ABCB1: variants seen among roughly 807,000 people sequenced by gnomAD.
ABCB1 encodes the protein ATP-dependent translocase ABCB1.
In ABCB1, 69 loss-of-function variants were observed where a neutral mutation model predicts 142.0. That is an observed-to-expected ratio of 0.49 (90% CI 0.40 to 0.59). The LOEUF (loss-of-function observed/expected upper bound fraction) is 0.59, where lower values mean the gene tolerates loss of function less well. Among genes scored for constraint, ABCB1 ranks in the 20% least tolerant of loss-of-function variants. ABCB1 has a pLI of 0.00. For missense variants in ABCB1, 1,326 were observed against 1,554.7 expected (o/e 0.85, Z 2.47); for synonymous variants, 532 against 539.2 (o/e 0.99, Z 0.18).
intron 4 of ABCB1, 135 bp from the exon 5 acceptor site, chr7:87,570,358 T>C: frequency 2.3e-6 from 2 of 862,984 alleles, no homozygotes; most frequent in South Asian, 2.8e-5. Context: ...GTTTTAATTG[T>C]GTGTAAGCAT....
chr7:87,560,170 C>T lies in ABCB1; in HGVS notation c.827+1093G>A, dbSNP rs111566291. On this transcript the variant is annotated intron_variant, in intron 8 of 27. Transcript: ENST00000622132. ...GGATTTATTTCATTGAATATTTGCT[C>T]AGTCATTAAGCAGGACTCCTCATTT... 4.7e-3 allele frequency among the ~76,000 whole-genome samples: 723 copies of T among 152,246 alleles called. 5 individuals are homozygous for T. The highest frequency in any genetic ancestry group is 0.017 in the African/African-American group (690 of 41,540).
intron 1 of ABCB1, among the ~76,000 whole-genome samples, chr7:87,673,198 G>A (rs963204034): frequency 1.3e-5 from 2 of 152,082 alleles, no homozygotes; most frequent in African/African-American, 2.4e-5. Context: ...ATATGTCTTA[G>A]GGAATGGTCA....
chr7:87,513,575 G>A (rs1815109588), intron 25 of ABCB1, among the ~76,000 whole-genome samples: 3 of 152,162 alleles, frequency 2.0e-5, no homozygotes, highest in Admixed American at 2.0e-4. Flanking sequence ...TCTCATCAGA[G>A]AAGTTTGAGA....
At chr7:87,545,703 A>C (rs1816749359) in intron 15 of ABCB1, among the ~76,000 whole-genome samples, 160 bp downstream of exon 15, 1 of 152,192 alleles carries the variant, frequency 6.6e-6, no homozygotes, top group South Asian at 2.1e-4. Context: ...CTCTTTCAAG[A>C]GAGAAAAAAA....
intron 3 of ABCB1, among the ~76,000 whole-genome samples, chr7:87,591,027 G>T (rs1818979981): frequency 6.6e-6 from 1 of 152,134 alleles, no homozygotes; most frequent in Non-Finnish European, 1.5e-5. Flanking sequence ...ATGATAAAAG[G>T]GACTTTGCAG....
At chr7:87,697,675 C>G (rs1276738593) in intron 1 of ABCB1, among the ~76,000 whole-genome samples, 3 of 152,170 alleles carry the variant, frequency 2.0e-5, no homozygotes, top group Non-Finnish European at 4.4e-5. Context: ...ATAATTAACA[C>G]TTATTTTGAA....
At chr7:87,687,676 A>G (rs1207983050) in intron 1 of ABCB1, among the ~76,000 whole-genome samples, 3 of 152,008 alleles carry the variant, frequency 2.0e-5, no homozygotes, top group Middle Eastern at 3.2e-3. Context: ...TTTTTTTCTG[A>G]TAGGACTTGG....
intron 1 of ABCB1, among the ~76,000 whole-genome samples, chr7:87,630,002 A>G (rs1042577516): frequency 1.3e-5 from 2 of 152,090 alleles, no homozygotes; most frequent in African/African-American, 4.8e-5. Flanking sequence ...TATTTTCTTT[A>G]AGTCTTATAT....
chr7:87,605,762 A>T (rs1167259811), upstream of ABCB1, among the ~76,000 whole-genome samples: 1 of 152,230 alleles, frequency 6.6e-6, no homozygotes, highest in African/African-American at 2.4e-5. Context: ...AATAAAGACA[A>T]AAACAGCATA....
chr7:87,579,786 T>C lies in ABCB1; in HGVS notation c.286+5726A>G, dbSNP rs535642084. On this transcript the variant is annotated intron_variant, in intron 4 of 27. Transcript: ENST00000622132. ...TCTTCTCTGGTGGTATGTTTTAATG[T>C]CTTGCTTTTAATTTTTTATGTATCT... Among the ~76,000 whole-genome samples the C allele has an allele frequency of 3.0e-4, 45 of 152,340 alleles. 1 individual carries two copies. The highest frequency in any genetic ancestry group is 1.0e-3 in the African/African-American group (43 of 41,578).
At chr7:87,642,894 C>T (rs1822593603) in intron 1 of ABCB1, among the ~76,000 whole-genome samples, 1 of 152,096 alleles carries the variant, frequency 6.6e-6, no homozygotes, top group African/African-American at 2.4e-5. Flanking sequence ...TTTAAATACA[C>T]ATCTGTCTCT....
chr7:87,711,333 T>A (rs897145850), intron 1 of ABCB1, among the ~76,000 whole-genome samples: 4 of 151,584 alleles, frequency 2.6e-5, no homozygotes, highest in Middle Eastern at 3.4e-3. Context: ...TCTCAAAAAA[T>A]ATATATATAT....
intron 5 of ABCB1, among the ~76,000 whole-genome samples, chr7:87,569,332 CAAAAAA>C (rs56689125): frequency 4.5e-5 from 5 of 111,964 alleles, no homozygotes; most frequent in African/African-American, 1.0e-4. Context: ...CACTCTGTCT[CAAAAAA>C]AAAAAAAAAA....
At chr7:87,639,879 A>G (rs1024556174) in intron 1 of ABCB1, among the ~76,000 whole-genome samples, 1 of 151,864 alleles carries the variant, frequency 6.6e-6, no homozygotes, top group Non-Finnish European at 1.5e-5. Flanking sequence ...CATTTTAATT[A>G]ACGTTATTAC....
intron 1 of ABCB1, among the ~76,000 whole-genome samples, chr7:87,674,450 A>C (rs988505312): frequency 6.6e-6 from 1 of 152,022 alleles, no homozygotes; most frequent in South Asian, 2.1e-4. Flanking sequence ...GAATAATGGC[A>C]GGGTACACTC....
At chr7:87,510,635 G>C (rs1814965313) in intron 25 of ABCB1, among the ~76,000 whole-genome samples, 1 of 152,204 alleles carries the variant, frequency 6.6e-6, no homozygotes, top group Non-Finnish European at 1.5e-5. Context: ...TATACTCTCT[G>C]TATCCCATGT....
intron 1 of ABCB1, among the ~76,000 whole-genome samples, chr7:87,639,172 A>AC (rs1211130475): frequency 6.6e-6 from 1 of 151,784 alleles, no homozygotes; most frequent in East Asian, 1.9e-4. Flanking sequence ...AAAAAAAAAA[A>AC]AAAATCTATT....
intron 9 of ABCB1, among the ~76,000 whole-genome samples, chr7:87,551,058 G>C (rs1817045333): frequency 6.6e-6 from 1 of 151,862 alleles, no homozygotes; most frequent in Non-Finnish European, 1.5e-5. Context: ...TTCTCATTCT[G>C]TCACCCAGGA....
At chr7:87,529,361 C>A (rs1815932520) in intron 21 of ABCB1, among the ~76,000 whole-genome samples, 1 of 152,156 alleles carries the variant, frequency 6.6e-6, no homozygotes, top group Non-Finnish European at 1.5e-5. Flanking sequence ...GAAGTGTGTT[C>A]AGGTGGAAGT....
Sources: allele counts gnomAD v4.1 joint callset (sites outside exome capture counted in the v4.1 genomes callset), GRCh38; gene constraint gnomAD v4.1.1; transcripts MANE v1.5; gene names NCBI Gene and HGNC (gene_info 2026-07-23, HGNC 2026-07-21).